The following NEK10 variants were observed in gnomAD, a reference collection of about 807,000 sequenced individuals.
NEK10 encodes the protein NIMA related kinase 10.
NEK10 carries 122 observed loss-of-function variants against 159.8 expected under a neutral mutation model. That is an observed-to-expected ratio of 0.76 (90% CI 0.66 to 0.89). The LOEUF (loss-of-function observed/expected upper bound fraction) is 0.89, where lower values mean the gene tolerates loss of function less well. Among genes scored for constraint, NEK10 ranks in the 40% least tolerant of loss-of-function variants. NEK10 has a pLI of 0.00. For missense variants in NEK10, 1,342 were observed against 1,323.1 expected (o/e 1.01, Z -0.22); for synonymous variants, 466 against 457.1 (o/e 1.02, Z -0.25).
chr3:27,165,462 CA>C, intron 29 of NEK10, among the ~76,000 whole-genome samples: 1 of 152,312 alleles, frequency 6.6e-6, no homozygotes, highest in East Asian at 1.9e-4. Context: ...CATCGTATCA[CA>C]AGCTGGAAAA....
chr3:27,292,665 C>G (rs761243364), intron 16 of NEK10, among the ~76,000 whole-genome samples: 10 of 151,236 alleles, frequency 6.6e-5, no homozygotes, highest in Non-Finnish European at 1.3e-4. Flanking sequence ...GAAAACCCAT[C>G]TCTACTGAAA....
At chr3:27,256,217 C>A in intron 23 of NEK10, 79 bp downstream of exon 23, 2 of 627,788 alleles carry the variant, frequency 3.2e-6, no homozygotes, top group South Asian at 4.6e-5. Flanking sequence ...ATTCTCTTTC[C>A]TTTGCAAGTC....
intron 22 of NEK10, among the ~76,000 whole-genome samples, chr3:27,262,345 G>T (rs921774718): frequency 6.6e-6 from 1 of 152,040 alleles, no homozygotes; most frequent in Non-Finnish European, 1.5e-5. Flanking sequence ...TCTTTGTGGC[G>T]TTCTCTGTAT....
chr3:27,319,770 C>G (rs532830150), intron 6 of NEK10, among the ~76,000 whole-genome samples: 2 of 152,212 alleles, frequency 1.3e-5, no homozygotes, highest in South Asian at 4.1e-4. Context: ...ATATTTCAAA[C>G]AAAAAGAGAA....
chr3:27,356,916 A>G (rs1282082566), intron 1 of NEK10, among the ~76,000 whole-genome samples: 1 of 152,260 alleles, frequency 6.6e-6, no homozygotes, highest in Non-Finnish European at 1.5e-5. Flanking sequence ...TGACACATAG[A>G]ACAGCACATA....
chr3:27,147,965 C>CT (rs1944466902), intron 30 of NEK10, among the ~76,000 whole-genome samples: 1 of 152,214 alleles, frequency 6.6e-6, no homozygotes, highest in Non-Finnish European at 1.5e-5. Flanking sequence ...AACTCAGACA[C>CT]TTGCCAAAGA....
chr3:27,148,313 T>C (rs1196826361), intron 30 of NEK10, among the ~76,000 whole-genome samples: 1 of 152,176 alleles, frequency 6.6e-6, no homozygotes, highest in Admixed American at 6.5e-5. Flanking sequence ...TAATACTCCC[T>C]TATGGTTTAA....
intron 22 of NEK10, among the ~76,000 whole-genome samples, chr3:27,257,076 C>T (rs926321983): frequency 2.0e-5 from 3 of 152,012 alleles, no homozygotes; most frequent in Non-Finnish European, 2.9e-5. Flanking sequence ...CCACCATGCC[C>T]GGCTAATTTT....
At chr3:27,138,650 G>A (rs1943467723) in intron 31 of NEK10, among the ~76,000 whole-genome samples, 1 of 152,190 alleles carries the variant, frequency 6.6e-6, no homozygotes, top group African/African-American at 2.4e-5. Flanking sequence ...TACAGATACA[G>A]GTTTTAGGAA....
chr3:27,261,303 A>C (rs1175915298), intron 22 of NEK10, among the ~76,000 whole-genome samples: 2 of 151,970 alleles, frequency 1.3e-5, no homozygotes, highest in Non-Finnish European at 1.5e-5. Context: ...TAGTTCTTTT[A>C]ATTGTGATGT....
chr3:27,265,335 T>C (rs2040800045), intron 22 of NEK10, among the ~76,000 whole-genome samples: 1 of 152,090 alleles, frequency 6.6e-6, no homozygotes, highest in Non-Finnish European at 1.5e-5. Context: ...TAAGCATGTG[T>C]TTAATTTGAT....
At chr3:27,325,901 T>C (rs2045967304) in intron 5 of NEK10, among the ~76,000 whole-genome samples, 1 of 152,192 alleles carries the variant, frequency 6.6e-6, no homozygotes, top group Non-Finnish European at 1.5e-5. Flanking sequence ...ATCAACACCT[T>C]GGCCCCTCCT....
At chr3:27,174,282 T>C (rs1947292168) in intron 28 of NEK10, 157 bp downstream of exon 28, 1 of 635,008 alleles carries the variant, frequency 1.6e-6, no homozygotes. Context: ...CTTTGGGCTC[T>C]GTCAGAGAGA....
chr3:27,323,239 C>A (rs947428067), intron 5 of NEK10, among the ~76,000 whole-genome samples: 1 of 152,286 alleles, frequency 6.6e-6, no homozygotes, highest in African/African-American at 2.4e-5. Flanking sequence ...TAAGTTACTG[C>A]TCAGAGTTGT....
At chr3:27,161,500 T>A (rs527467457) in intron 30 of NEK10, among the ~76,000 whole-genome samples, 12 of 152,326 alleles carry the variant, frequency 7.9e-5, no homozygotes, top group Admixed American at 5.9e-4. Context: ...GAAAATAGCA[T>A]TAAACAATAA....
At chr3:27,274,544 C>T (rs2041621002) in intron 22 of NEK10, among the ~76,000 whole-genome samples, 1 of 152,060 alleles carries the variant, frequency 6.6e-6, no homozygotes, top group Admixed American at 6.6e-5. Flanking sequence ...GAGCTCTGTA[C>T]ATATAGCTCT....
chr3:27,173,971 T>C (rs1947263406), intron 28 of NEK10, among the ~76,000 whole-genome samples: 1 of 152,204 alleles, frequency 6.6e-6, no homozygotes, highest in Non-Finnish European at 1.5e-5. Flanking sequence ...ATATGTCATA[T>C]TTTTAATAAC....
rs139296472 is a variant in NEK10 at position 27,206,423 on chromosome 3, C to T, written c.2091-3866G>A. The T allele has an allele frequency of 1.7e-3, 277 of 163,600 alleles. 4 individuals carry two copies. The highest frequency in any genetic ancestry group is 5.5e-3 in the East Asian group (29 of 5,230). The allele number at this position is 163,600 out of a possible 1,614,324, so 10.1% of individuals were successfully genotyped here. ...GAAAAATGCTATAGGAAAATAAACT[C>T]GACTAGAATAAAGGAGGTCTGGAGA... On this transcript the variant is annotated intron_variant, in intron 23 of 35. Coordinates refer to ENST00000691995, the MANE Select transcript of NEK10 (RefSeq NM_001394966.1).
intron 3 of NEK10, among the ~76,000 whole-genome samples, chr3:27,347,464 T>C (rs529413595): frequency 1.6e-3 from 225 of 138,898 alleles, no homozygotes; most frequent in African/African-American, 5.9e-3. Context: ...ATCGTGCCAT[T>C]GCACTCCAGT....
Sources: allele counts gnomAD v4.1 joint callset (sites outside exome capture counted in the v4.1 genomes callset), GRCh38; gene constraint gnomAD v4.1.1; transcripts MANE v1.5; gene names NCBI Gene and HGNC (gene_info 2026-07-23, HGNC 2026-07-21).